ANKS1B: variants seen among roughly 807,000 people sequenced by gnomAD.
ANKS1B encodes ankyrin repeat and sterile alpha motif domain-containing protein 1B.
Under a neutral mutation model 148.3 loss-of-function variants are expected in ANKS1B, and 36 were observed. That is an observed-to-expected ratio of 0.24 (90% CI 0.19 to 0.32). The LOEUF is 0.32. Ranked by LOEUF, ANKS1B falls within the 10% of genes least tolerant of loss-of-function variation. The pLI is 1.00. For missense variants in ANKS1B, 1,157 were observed against 1,542.6 expected (o/e 0.75, Z 4.19); for synonymous variants, 542 against 560.8 (o/e 0.97, Z 0.47).
downstream of ANKS1B, among the ~76,000 whole-genome samples, chr12:98,742,230 G>A (rs1489265640): frequency 7.9e-5 from 12 of 152,288 alleles, no homozygotes; most frequent in South Asian, 2.1e-4. Context: ...GCCACCTTCC[G>A]CCGGGGTGAC....
At chr12:99,820,831 G>A (rs1055107598) in intron 2 of ANKS1B, among the ~76,000 whole-genome samples, 1 of 151,900 alleles carries the variant, frequency 6.6e-6, no homozygotes, top group Non-Finnish European at 1.5e-5. Context: ...ATAATGCAGA[G>A]TACTGGTAAA....
intron 12 of ANKS1B, among the ~76,000 whole-genome samples, chr12:99,393,639 CCATG>C (rs1273760283): frequency 6.6e-6 from 1 of 152,094 alleles, no homozygotes; most frequent in African/African-American, 2.4e-5. Flanking sequence ...CTGCTCAGTC[CCATG>C]GTCTTAAGAC....
chr12:98,819,758 T>A (rs961464769), intron 19 of ANKS1B, among the ~76,000 whole-genome samples: 4 of 152,328 alleles, frequency 2.6e-5, no homozygotes, highest in African/African-American at 9.6e-5. Context: ...GTACAGTTGG[T>A]CATCTGTATT....
intron 12 of ANKS1B, among the ~76,000 whole-genome samples, chr12:99,248,480 TACTC>T (rs1282172605): frequency 6.6e-6 from 1 of 152,218 alleles, no homozygotes; most frequent in African/African-American, 2.4e-5. Flanking sequence ...ACTACTATTA[TACTC>T]ACTGTCTTCT....
At chr12:99,679,309 TTTG>T (rs1442980932) in intron 8 of ANKS1B, among the ~76,000 whole-genome samples, 73 of 152,160 alleles carry the variant, frequency 4.8e-4, no homozygotes, top group African/African-American at 1.7e-3. Flanking sequence ...ACTCTAAAGT[TTTG>T]TTGTTGTTTT....
At chr12:99,459,463 T>C (rs1433583701) in intron 10 of ANKS1B, among the ~76,000 whole-genome samples, 6 of 151,898 alleles carry the variant, frequency 4.0e-5, no homozygotes, top group Admixed American at 3.9e-4. Flanking sequence ...AAGAGGAAGT[T>C]AAACTGTCAC....
intron 12 of ANKS1B, among the ~76,000 whole-genome samples, chr12:99,266,385 G>A (rs545845528): frequency 5.3e-5 from 8 of 152,212 alleles, no homozygotes; most frequent in African/African-American, 1.9e-4. Flanking sequence ...TGTGATAAGT[G>A]TTTTTTATCC....
chr12:99,323,400 T>C (rs2085690898), intron 12 of ANKS1B, among the ~76,000 whole-genome samples: 1 of 152,196 alleles, frequency 6.6e-6, no homozygotes. Flanking sequence ...TTAAAATTAA[T>C]GGTCAGTGAT....
chr12:99,814,039 T>C (rs1414095262), intron 2 of ANKS1B, among the ~76,000 whole-genome samples: 1 of 151,732 alleles, frequency 6.6e-6, no homozygotes, highest in Non-Finnish European at 1.5e-5. Flanking sequence ...TCTGTATCTA[T>C]TGTGTTAAAA....
At chr12:98,962,519 T>C (rs2099873212) in intron 17 of ANKS1B, among the ~76,000 whole-genome samples, 1 of 151,946 alleles carries the variant, frequency 6.6e-6, no homozygotes, top group Non-Finnish European at 1.5e-5. Context: ...CTTCAACAGT[T>C]TCAGCATTGA....
intron 8 of ANKS1B, among the ~76,000 whole-genome samples, chr12:99,754,418 A>G (rs968760936): frequency 5.3e-5 from 8 of 152,166 alleles, no homozygotes. Flanking sequence ...GGAAACTTTA[A>G]TACTCCACTG....
chr12:99,665,488 C>CT lies in ANKS1B; in HGVS notation c.1129-10279dup, dbSNP rs1271222513. ...ACATTTTTATTAGGTTGTTCGACTT[C>CT]TTTTTTTTTTTTTAGACGGAGTATC... On this transcript the variant is annotated intron_variant, in intron 8 of 26. Transcript: ENST00000683438. 3.8e-3 allele frequency among the ~76,000 whole-genome samples: 544 copies of CT among 144,338 alleles called. 5 individuals are homozygous for CT. Among genetic ancestry groups the CT allele is most frequent in the African/African-American group, 0.011 (443 of 39,724 alleles). The allele number at this position is 144,338 out of a possible 152,430, so 94.7% of individuals were successfully genotyped here.
chr12:99,742,598 G>T (rs2060226058), intron 8 of ANKS1B, among the ~76,000 whole-genome samples: 1 of 151,696 alleles, frequency 6.6e-6, no homozygotes, highest in Non-Finnish European at 1.5e-5. Flanking sequence ...ACTTTGGGAG[G>T]CCAAGGCAGG....
At chr12:98,937,500 C>G (rs2099819909) in intron 17 of ANKS1B, among the ~76,000 whole-genome samples, 1 of 152,066 alleles carries the variant, frequency 6.6e-6, no homozygotes, top group Non-Finnish European at 1.5e-5. Context: ...TTTGCTTATA[C>G]TACTCTTTTT....
chr12:99,363,807 A>G (rs1291413964), intron 12 of ANKS1B, among the ~76,000 whole-genome samples: 1 of 152,102 alleles, frequency 6.6e-6, no homozygotes, highest in Non-Finnish European at 1.5e-5. Flanking sequence ...AAATAAAATC[A>G]CCATAACCCA....
intron 8 of ANKS1B, among the ~76,000 whole-genome samples, chr12:99,728,535 A>T (rs575695247): frequency 6.6e-6 from 1 of 152,322 alleles, no homozygotes; most frequent in South Asian, 2.1e-4. Flanking sequence ...TGGGAATGTA[A>T]ATTAGTCCAA....
At chr12:99,657,515 G>A (rs1862586893) in intron 8 of ANKS1B, among the ~76,000 whole-genome samples, 1 of 152,028 alleles carries the variant, frequency 6.6e-6, no homozygotes, top group South Asian at 2.1e-4. Flanking sequence ...ATACATAGCA[G>A]CCCATGCTTT....
intron 11 of ANKS1B, among the ~76,000 whole-genome samples, chr12:99,416,962 G>A (rs944244916): frequency 1.4e-4 from 21 of 152,184 alleles, no homozygotes; most frequent in African/African-American, 4.6e-4. Flanking sequence ...TCTTGAGAGC[G>A]AGGTTACTGG....
At chr12:99,369,731 T>C (rs995200701) in intron 12 of ANKS1B, among the ~76,000 whole-genome samples, 1 of 149,990 alleles carries the variant, frequency 6.7e-6, no homozygotes, top group African/African-American at 2.5e-5. Context: ...AATAGACAGA[T>C]AGATAAATGG....
Sources: gnomAD v4.1 joint callset for allele counts (sites outside exome capture counted in the v4.1 genomes callset) on GRCh38, gnomAD v4.1.1 for gene constraint, MANE v1.5 for transcripts, NCBI Gene and HGNC (gene_info 2026-07-23, HGNC 2026-07-21) for gene names.